Variants in EYS observed in about 807,000 individuals in gnomAD.
EYS encodes the protein protein eyes shut homolog.
A neutral mutation model predicts 282.1 loss-of-function variants in EYS; 250 were observed. The observed-to-expected ratio is 0.89, with a 90% confidence interval of 0.80 to 0.98. The LOEUF (loss-of-function observed/expected upper bound fraction) is 0.98, where lower values mean the gene tolerates loss of function less well. Ranked by LOEUF, EYS falls within the 50% of genes least tolerant of loss-of-function variation. The pLI is 0.00. For synonymous variants in EYS, 1,355 were observed against 1,282.9 expected, an observed-to-expected ratio of 1.06 and a Z score of -1.20; for missense variants, 4,016 against 3,709.0, an observed-to-expected ratio of 1.08 and a Z score of -2.15.
intron 11 of EYS, among the ~76,000 whole-genome samples, chr6:65,318,843 T>C (rs1479725871): frequency 6.7e-6 from 1 of 149,804 alleles, no homozygotes; most frequent in East Asian, 2.0e-4. Context: ...GGTTTCACCA[T>C]GTTGGCCAGG....
intron 35 of EYS, among the ~76,000 whole-genome samples, chr6:63,925,699 A>G (rs1312860055): frequency 4.6e-5 from 7 of 152,208 alleles, no homozygotes; most frequent in Non-Finnish European, 8.8e-5. Flanking sequence ...GCTGGAGTGC[A>G]GTGGCACGAT....
chr6:64,566,525 C>A (rs1329233913), intron 26 of EYS, among the ~76,000 whole-genome samples: 1 of 151,910 alleles, frequency 6.6e-6, no homozygotes, highest in African/African-American at 2.4e-5. Context: ...ACTTAATTCG[C>A]ATTTCTTACT....
intron 13 of EYS, among the ~76,000 whole-genome samples, chr6:65,040,683 G>A (rs1226195988): frequency 6.6e-6 from 1 of 151,534 alleles, no homozygotes; most frequent in Non-Finnish European, 1.5e-5. Context: ...TTTGCCAAAT[G>A]TCTCCTGGAA....
At chr6:64,050,489 T>G (rs1379391270) in intron 33 of EYS, among the ~76,000 whole-genome samples, 1 of 152,198 alleles carries the variant, frequency 6.6e-6, no homozygotes, top group Non-Finnish European at 1.5e-5. Flanking sequence ...GAATCATGTA[T>G]ACTGAAAATA....
chr6:65,436,903 C>T (rs1230350535), intron 5 of EYS, among the ~76,000 whole-genome samples: 1 of 151,946 alleles, frequency 6.6e-6, no homozygotes. Flanking sequence ...CTAATCAAAA[C>T]TTACAACTTA....
intron 22 of EYS, among the ~76,000 whole-genome samples, chr6:64,705,153 C>T (rs1770960937): frequency 6.6e-6 from 1 of 152,102 alleles, no homozygotes; most frequent in Non-Finnish European, 1.5e-5. Flanking sequence ...GATTAATGTA[C>T]ACAAATCTGC....
chr6:65,092,351 C>T (rs1269055687), intron 12 of EYS, among the ~76,000 whole-genome samples: 1 of 152,126 alleles, frequency 6.6e-6, no homozygotes, highest in Non-Finnish European at 1.5e-5. Flanking sequence ...ATTTCTCAGG[C>T]ATTCCTAACA....
At chr6:64,782,665 C>T (rs915628666) in intron 22 of EYS, among the ~76,000 whole-genome samples, 3 of 151,532 alleles carry the variant, frequency 2.0e-5, no homozygotes, top group Non-Finnish European at 1.5e-5. Flanking sequence ...GGGTCTATCT[C>T]CTAGTTTATT....
chr6:64,549,393 AT>A (rs987673337), intron 26 of EYS, among the ~76,000 whole-genome samples: 20 of 152,254 alleles, frequency 1.3e-4, no homozygotes, highest in Admixed American at 1.2e-3. Context: ...TTTTTAGTTG[AT>A]TTTTGTGTCA....
rs777741159 is a variant in EYS at position 64,070,516 on chromosome 6, GCTTA to G, written c.6572-4029_6572-4026del. On this transcript the variant is annotated intron_variant, in intron 32 of 42. Coordinates refer to ENST00000503581, the MANE Select transcript of EYS (RefSeq NM_001142800.2). Reference sequence around the variant, plus strand: ...TTAGCTGTTTTCCTTGAGGTAACAGGCTTACTTTATTACTTTTTCAGAAAATAGC... The same window carrying G: ...TTAGCTGTTTTCCTTGAGGTAACAGGCTTTATTACTTTTTCAGAAAATAGC... 2.0e-5 allele frequency among the ~76,000 whole-genome samples: 3 copies of G among 151,892 alleles called. No homozygotes were observed. The East Asian group carries it at 5.8e-4, about 29-fold the overall frequency.
chr6:63,965,206 T>C (rs1029745177), intron 35 of EYS, among the ~76,000 whole-genome samples: 2 of 152,210 alleles, frequency 1.3e-5, no homozygotes, highest in Non-Finnish European at 2.9e-5. Flanking sequence ...ATTCTTACTT[T>C]GTGTAAGATC....
chr6:65,595,978 G>C (rs1313059978), intron 2 of EYS, among the ~76,000 whole-genome samples: 1 of 152,056 alleles, frequency 6.6e-6, no homozygotes, highest in Non-Finnish European at 1.5e-5. Flanking sequence ...TATCTCAGTG[G>C]AAAAACAGCC....
At chr6:63,782,139 G>T (rs1360163348) in intron 39 of EYS, among the ~76,000 whole-genome samples, 1 of 152,126 alleles carries the variant, frequency 6.6e-6, no homozygotes, top group Non-Finnish European at 1.5e-5. Context: ...ATGTGCTGCT[G>T]GATTCAGTTT....
intron 29 of EYS, among the ~76,000 whole-genome samples, chr6:64,356,931 T>A (rs1473245363): frequency 6.6e-6 from 1 of 151,596 alleles, no homozygotes; most frequent in Non-Finnish European, 1.5e-5. Flanking sequence ...CCAGAATAGT[T>A]CTTTAACATT....
At chr6:64,687,296 G>A (rs1770190150) in intron 22 of EYS, among the ~76,000 whole-genome samples, 1 of 151,912 alleles carries the variant, frequency 6.6e-6, no homozygotes. Context: ...TATTATATTA[G>A]AAAATTAAAT....
chr6:64,918,895 C>T (rs1017043253), intron 15 of EYS, among the ~76,000 whole-genome samples: 1 of 152,040 alleles, frequency 6.6e-6, no homozygotes, highest in Non-Finnish European at 1.5e-5. Flanking sequence ...TCTAGAAAAA[C>T]CAAGGCATGC....
chr6:65,157,067 CTT>C (rs1392291451), intron 12 of EYS, among the ~76,000 whole-genome samples: 1 of 151,090 alleles, frequency 6.6e-6, no homozygotes, highest in Non-Finnish European at 1.5e-5. Context: ...GCAAGTTACT[CTT>C]TTAAGTGTTT....
At chr6:65,309,991 A>G (rs1274593771) in intron 11 of EYS, among the ~76,000 whole-genome samples, 1 of 152,140 alleles carries the variant, frequency 6.6e-6, no homozygotes, top group African/African-American at 2.4e-5. Context: ...TTCAGTATGC[A>G]TTGGATCACA....
chr6:65,698,478 A>G (rs1380591412), intron 1 of EYS, among the ~76,000 whole-genome samples: 1 of 152,174 alleles, frequency 6.6e-6, no homozygotes, highest in Admixed American at 6.5e-5. Flanking sequence ...AATCAAAAAG[A>G]GATAAGAGCT....
Sources: gnomAD v4.1 joint callset for allele counts (sites outside exome capture counted in the v4.1 genomes callset) on GRCh38, gnomAD v4.1.1 for gene constraint, MANE v1.5 for transcripts, NCBI Gene and HGNC (gene_info 2026-07-23, HGNC 2026-07-21) for gene names.